The following CSMD1 variants were observed in gnomAD, a reference collection of about 807,000 sequenced individuals.
CSMD1 encodes CUB and sushi domain-containing protein 1.
CSMD1 carries 213 observed loss-of-function variants against 417.5 expected under a neutral mutation model. The ratio of observed to expected loss-of-function variants is 0.51; its 90% CI spans 0.46 to 0.57. The LOEUF (loss-of-function observed/expected upper bound fraction) is 0.57. Among genes scored for constraint, CSMD1 ranks in the 20% least tolerant of loss-of-function variants. The pLI is 0.00. For missense variants in CSMD1, 6,923 were observed against 4,529.7 expected, an observed-to-expected ratio of 1.53 and a Z score of -15.17; for synonymous variants, 2,862 against 1,736.8, an observed-to-expected ratio of 1.65 and a Z score of -16.11.
chr8:3,624,416 A>T (rs910657704), intron 7 of CSMD1, among the ~76,000 whole-genome samples: 5 of 152,260 alleles, frequency 3.3e-5, no homozygotes, highest in Non-Finnish European at 7.3e-5. Flanking sequence ...TTTGGAATAA[A>T]TAAACCAATA....
At chr8:4,962,442 C>T (rs775368399) in intron 1 of CSMD1, among the ~76,000 whole-genome samples, 5 of 152,062 alleles carry the variant, frequency 3.3e-5, no homozygotes, top group Admixed American at 3.3e-4. Flanking sequence ...AACTACTGCC[C>T]TCAAAGGATC....
chr8:3,251,662 G>C (rs907375073), intron 26 of CSMD1, among the ~76,000 whole-genome samples: 5 of 152,064 alleles, frequency 3.3e-5, no homozygotes, highest in Admixed American at 6.6e-5. Context: ...GGCAGCATGG[G>C]CATTTTCACA....
intron 4 of CSMD1, among the ~76,000 whole-genome samples, chr8:4,019,720 G>A (rs867696710): frequency 6.6e-6 from 1 of 152,086 alleles, no homozygotes; most frequent in Non-Finnish European, 1.5e-5. Context: ...ATGCACGTGG[G>A]TATGAATGTG....
intron 51 of CSMD1, among the ~76,000 whole-genome samples, chr8:3,021,571 T>A (rs1809396282): frequency 6.6e-6 from 1 of 152,238 alleles, no homozygotes; most frequent in Admixed American, 6.5e-5. Context: ...CAGTGCTTCC[T>A]CTGAACTCTG....
intron 1 of CSMD1, among the ~76,000 whole-genome samples, chr8:4,859,191 G>T (rs999739399): frequency 6.6e-6 from 1 of 151,860 alleles, no homozygotes; most frequent in Non-Finnish European, 1.5e-5. Flanking sequence ...AATAAATGGT[G>T]CTGGGAAAAC....
At chr8:2,948,074 A>T (rs1416606358) in intron 68 of CSMD1, among the ~76,000 whole-genome samples, 1 of 152,114 alleles carries the variant, frequency 6.6e-6, no homozygotes, top group African/African-American at 2.4e-5. Context: ...CTGGTATCAA[A>T]GCCTATATGG....
chr8:4,445,606 T>A (rs1291301703), intron 2 of CSMD1, among the ~76,000 whole-genome samples: 5 of 152,182 alleles, frequency 3.3e-5, no homozygotes, highest in African/African-American at 1.2e-4. Context: ...GAACTGTGTG[T>A]TCAGAGTCGA....
intron 23 of CSMD1, among the ~76,000 whole-genome samples, chr8:3,318,269 T>C (rs575095969): frequency 6.6e-6 from 1 of 152,178 alleles, no homozygotes; most frequent in Non-Finnish European, 1.5e-5. Context: ...TAATAGGTGT[T>C]AAAATGAAAA....
At chr8:4,155,800 G>A (rs964395906) in intron 3 of CSMD1, among the ~76,000 whole-genome samples, 4 of 152,066 alleles carry the variant, frequency 2.6e-5, no homozygotes, top group East Asian at 3.9e-4. Flanking sequence ...AGCCACAAAG[G>A]GGAATACACA....
At chr8:3,520,262 A>G (rs1797452793) in intron 10 of CSMD1, among the ~76,000 whole-genome samples, 1 of 152,150 alleles carries the variant, frequency 6.6e-6, no homozygotes, top group Admixed American at 6.5e-5. Flanking sequence ...AGGAAGCACC[A>G]TACCAAACTT....
chr8:4,732,765 T>C (rs1488230014), intron 1 of CSMD1, among the ~76,000 whole-genome samples: 1 of 152,324 alleles, frequency 6.6e-6, no homozygotes, highest in Middle Eastern at 3.4e-3. Context: ...AGGCATTTTA[T>C]AGCTCTAATT....
At chr8:3,630,060 A>AAT (rs1796702301) in intron 7 of CSMD1, among the ~76,000 whole-genome samples, 1 of 83,280 alleles carries the variant, frequency 1.2e-5, no homozygotes, top group African/African-American at 3.8e-5. Context: ...TCTACATTAG[A>AAT]GATCAAAATC....
At chr8:3,099,960 T>A (rs1319196563) in intron 46 of CSMD1, among the ~76,000 whole-genome samples, 2 of 152,204 alleles carry the variant, frequency 1.3e-5, no homozygotes, top group Non-Finnish European at 2.9e-5. Context: ...TTTCTTAAAA[T>A]ACTTAGCAAT....
Position 4,830,642 on chromosome 8 carries a change from T to A in CSMD1, c.85+163690A>T, listed in dbSNP as rs556740755. On this transcript the variant is annotated intron_variant, in intron 1 of 69. Transcript: ENST00000635120. ...TGACTTGATCGTGGTAGTTTTTTATTGCTAAGAGGTCACAGAAAAATCCAC... is the reference window on the plus strand; with the variant it reads ...TGACTTGATCGTGGTAGTTTTTTATAGCTAAGAGGTCACAGAAAAATCCAC... 2.0e-4 allele frequency among the ~76,000 whole-genome samples: 30 copies of A among 152,374 alleles called. 1 individual carries two copies. Among genetic ancestry groups the A allele is most frequent in the African/African-American group, 7.0e-4 (29 of 41,596 alleles).
At chr8:2,998,590 G>C (rs533170096) in intron 53 of CSMD1, among the ~76,000 whole-genome samples, 1 of 152,286 alleles carries the variant, frequency 6.6e-6, no homozygotes, top group Admixed American at 6.5e-5. Flanking sequence ...CCCTCCTTTT[G>C]AGACAGTATG....
intron 40 of CSMD1, among the ~76,000 whole-genome samples, chr8:3,150,461 C>A (rs35194327): frequency 6.6e-6 from 1 of 152,280 alleles, no homozygotes; most frequent in South Asian, 2.1e-4. Flanking sequence ...CTGAGCAAGT[C>A]CACCCTGACT....
intron 52 of CSMD1, among the ~76,000 whole-genome samples, chr8:3,013,167 C>G (rs945821619): frequency 6.6e-5 from 10 of 152,162 alleles, no homozygotes; most frequent in African/African-American, 2.4e-4. Context: ...CTATTACAAA[C>G]CCATGAATGG....
At chr8:3,493,777 A>G in intron 10 of CSMD1, 51 bp from the exon 11 acceptor site, 1 of 1,465,182 alleles carries the variant, frequency 6.8e-7, no homozygotes, top group South Asian at 1.2e-5. Context: ...ACTTCCCATG[A>G]CTTTTAATAG....
intron 3 of CSMD1, among the ~76,000 whole-genome samples, chr8:4,236,318 G>C (rs1462732119): frequency 6.6e-6 from 1 of 152,030 alleles, no homozygotes; most frequent in Non-Finnish European, 1.5e-5. Context: ...AAACAGTATA[G>C]TATAGTAGTT....
Sources: allele counts gnomAD v4.1 joint callset (sites outside exome capture counted in the v4.1 genomes callset), GRCh38; gene constraint gnomAD v4.1.1; transcripts MANE v1.5; gene names NCBI Gene and HGNC (gene_info 2026-07-23, HGNC 2026-07-21).